The following RAP1A variants were observed in gnomAD, a reference collection of about 807,000 sequenced individuals.
The protein encoded by RAP1A is RAP1A, member of RAS oncogene family.
A neutral mutation model predicts 26.4 loss-of-function variants in RAP1A; 6 were observed. The ratio of observed to expected loss-of-function variants is 0.23; its 90% confidence interval spans 0.12 to 0.45. The LOEUF (loss-of-function observed/expected upper bound fraction) is 0.45. RAP1A is among the 20% of genes least tolerant of loss of function. RAP1A has a pLI of 0.99. For synonymous variants in RAP1A, 73 were observed against 79.4 expected, an observed-to-expected ratio of 0.92 and a Z score of 0.43; for missense variants, 121 against 217.2, an observed-to-expected ratio of 0.56 and a Z score of 2.78.
chr1:111,672,005 T>A (rs1660990357), intron 1 of RAP1A, among the ~76,000 whole-genome samples: 1 of 152,226 alleles, frequency 6.6e-6, no homozygotes, highest in Non-Finnish European at 1.5e-5. Context: ...AGACTTGATT[T>A]ATGGCTCAGC....
chr1:111,656,233 T>TG (rs1660454727), intron 1 of RAP1A, among the ~76,000 whole-genome samples: 1 of 144,920 alleles, frequency 6.9e-6, no homozygotes, highest in Non-Finnish European at 1.5e-5. Flanking sequence ...TCGGCGGGGG[T>TG]GGGGGTTGGT....
intron 1 of RAP1A, among the ~76,000 whole-genome samples, chr1:111,563,215 C>T (rs985928749): frequency 2.6e-5 from 4 of 152,064 alleles, no homozygotes; most frequent in South Asian, 2.1e-4. Context: ...GTTGAGGCCA[C>T]GATGAGCCAT....
At chr1:111,574,672 T>G (rs1348923206) in intron 1 of RAP1A, among the ~76,000 whole-genome samples, 1 of 152,210 alleles carries the variant, frequency 6.6e-6, no homozygotes, top group Non-Finnish European at 1.5e-5. Flanking sequence ...GATCTTTCAC[T>G]TCTCCTGGGA....
At chr1:111,706,970 G>A (rs187044210) in intron 6 of RAP1A, among the ~76,000 whole-genome samples, 1 of 152,218 alleles carries the variant, frequency 6.6e-6, no homozygotes, top group African/African-American at 2.4e-5. Flanking sequence ...ATTGAGTATA[G>A]GGAACTAATG....
intron 7 of RAP1A, among the ~76,000 whole-genome samples, chr1:111,709,996 A>G (rs1662327167): frequency 6.6e-6 from 1 of 152,200 alleles, no homozygotes; most frequent in Non-Finnish European, 1.5e-5. Context: ...TGTTGGGTAT[A>G]TATCTAAGAA....
chr1:111,566,521 A>G (rs1657921368), intron 1 of RAP1A, among the ~76,000 whole-genome samples: 3 of 152,218 alleles, frequency 2.0e-5, no homozygotes, highest in South Asian at 2.1e-4. Flanking sequence ...TTCAGTGGCC[A>G]TATTTCCCCC....
intron 1 of RAP1A, among the ~76,000 whole-genome samples, chr1:111,656,279 T>G (rs1445272162): frequency 6.6e-6 from 1 of 152,098 alleles, no homozygotes; most frequent in Admixed American, 6.5e-5. Flanking sequence ...TGCAACACCT[T>G]AACCTCTAAT....
At chr1:111,674,797 C>A (rs562485733) in intron 1 of RAP1A, among the ~76,000 whole-genome samples, 42 of 152,240 alleles carry the variant, frequency 2.8e-4, no homozygotes, top group Non-Finnish European at 5.4e-4. Context: ...AAAAGCATTG[C>A]CCCTCTTCAG....
chr1:111,695,226 G>A (rs939675175), intron 2 of RAP1A, 115 bp from the exon 3 acceptor site: 168 of 674,920 alleles, frequency 2.5e-4, no homozygotes, highest in Non-Finnish European at 3.5e-4. Context: ...TTACATTTAC[G>A]TGTTTACCCA....
intron 1 of RAP1A, among the ~76,000 whole-genome samples, chr1:111,645,171 G>C (rs1283386709): frequency 6.6e-6 from 1 of 152,100 alleles, no homozygotes; most frequent in Non-Finnish European, 1.5e-5. Context: ...TGCAGAACTA[G>C]CTCGACTGTT....
intron 2 of RAP1A, among the ~76,000 whole-genome samples, chr1:111,692,483 TTTCAA>T (rs1661699578): frequency 6.6e-6 from 1 of 152,198 alleles, no homozygotes; most frequent in African/African-American, 2.4e-5. Flanking sequence ...GGCATATAAC[TTTCAA>T]TTCAGCGATT....
At chr1:111,594,361 T>C (rs150484065) in intron 1 of RAP1A, among the ~76,000 whole-genome samples, 2,021 of 152,222 alleles carry the variant, frequency 0.013, 23 homozygotes, top group Non-Finnish European at 0.022. Flanking sequence ...GAGCCTGTAG[T>C]CCCAGCTACT....
intron 1 of RAP1A, among the ~76,000 whole-genome samples, chr1:111,653,223 A>G (rs1660331259): frequency 6.6e-6 from 1 of 152,206 alleles, no homozygotes; most frequent in Non-Finnish European, 1.5e-5. Flanking sequence ...AGAGACAGTA[A>G]GTAGATTAGT....
Position 111,714,963 on chromosome 1 carries a change from CAT to C in RAP1A, c.*2564_*2565del, listed in dbSNP as rs2101329538. 1 of 152,274 alleles carries C rather than the reference CAT, an allele frequency of 6.6e-6. No homozygotes were observed. Among genetic ancestry groups the C allele is most frequent in the East Asian group, 1.9e-4 (1 of 5,186 alleles). The allele number at this position is 152,274 out of a possible 1,614,324, so 9.4% of individuals were successfully genotyped here. A position where few individuals can be genotyped will look rare whatever the true frequency, so the allele number is the denominator to read the frequency against. On this transcript the variant is annotated 3_prime_UTR_variant, in exon 8 of 8. Coordinates refer to ENST00000369709, the MANE Select transcript of RAP1A (RefSeq NM_002884.4). ...TTTAAGGAGGCTTCATGCCATAGTTCATAGTTTGCTCTAATGGCTTGGTGGTA... is the reference window on the plus strand; with the variant it reads ...TTTAAGGAGGCTTCATGCCATAGTTCAGTTTGCTCTAATGGCTTGGTGGTA...
chr1:111,621,861 C>CA (rs1557868643), intron 1 of RAP1A, among the ~76,000 whole-genome samples: 1 of 152,112 alleles, frequency 6.6e-6, no homozygotes, highest in Non-Finnish European at 1.5e-5. Flanking sequence ...TAAAACAGCT[C>CA]AAAAGCCTTT....
chr1:111,570,964 T>A (rs2101055159), intron 1 of RAP1A, among the ~76,000 whole-genome samples: 1 of 152,260 alleles, frequency 6.6e-6, no homozygotes, highest in African/African-American at 2.4e-5. Context: ...TGTCCAACAA[T>A]TCAATTCAAT....
At chr1:111,705,527 TC>T (rs1444894529) in intron 6 of RAP1A, among the ~76,000 whole-genome samples, 1 of 152,218 alleles carries the variant, frequency 6.6e-6, no homozygotes, top group African/African-American at 2.4e-5. Context: ...TTACAGATAA[TC>T]AAGAATGCCA....
In RAP1A at chr1:111,648,611, C is replaced by T. The variant is rs1469418382; in HGVS notation, c.-28+28677C>T. 2.7e-5 allele frequency: 14 copies of T among 526,028 alleles called. 1 individual carries two copies. The highest frequency in any genetic ancestry group is 2.1e-4 in the South Asian group (12 of 57,744). The allele number at this position is 526,028 out of a possible 1,614,324, so 32.6% of individuals were successfully genotyped here. On this transcript the variant is annotated intron_variant, in intron 1 of 7. Transcript: ENST00000369709. The stretch of plus-strand genomic sequence containing the variant: ...GGAAGTAGAGGGCCTCCACCTCCCT[C>T]AGTCTGTTCTACAAACTGGCCTTCA...
intron 1 of RAP1A, among the ~76,000 whole-genome samples, chr1:111,681,021 C>T (rs1099796): frequency 0.12 from 18,017 of 152,106 alleles, 1,405 homozygotes; most frequent in East Asian, 0.21. Context: ...CTGAGGCAGA[C>T]GGATCGTGAG....
Sources: allele counts gnomAD v4.1 joint callset (sites outside exome capture counted in the v4.1 genomes callset), GRCh38; gene constraint gnomAD v4.1.1; transcripts MANE v1.5; gene names NCBI Gene and HGNC (gene_info 2026-07-23, HGNC 2026-07-21).